KLHL23: variants seen among roughly 807,000 people sequenced by gnomAD.
The protein encoded by KLHL23 is kelch like family member 23, also known as kelch-like protein 23.
A neutral mutation model predicts 48.9 loss-of-function variants in KLHL23; 33 were observed. The observed-to-expected ratio is 0.67, with a 90% CI of 0.51 to 0.90. The LOEUF is 0.90. Among genes scored for constraint, KLHL23 ranks in the 40% least tolerant of loss-of-function variants. KLHL23 has a pLI of 0.00. For missense variants in KLHL23, 608 were observed against 669.6 expected (o/e 0.91, Z 1.02); for synonymous variants, 234 against 231.6 (o/e 1.01, Z -0.09).
intron 2 of KLHL23, 134 bp from the exon 3 acceptor site, chr2:169,741,251 C>A: frequency 8.5e-7 from 1 of 1,169,712 alleles, no homozygotes; most frequent in Non-Finnish European, 1.2e-6. Flanking sequence ...ATTCTTTTGT[C>A]CCTTATAGCA....
At chr2:169,738,974 TTCCCCTCCCCCTCCCCCTCCTCCCCTTCC>T (rs1688602976) in intron 2 of KLHL23, among the ~76,000 whole-genome samples, 1 of 1,708 alleles carries the variant, frequency 5.9e-4, no homozygotes, top group African/African-American at 4.8e-3. Flanking sequence ...CTCCTCCCCC[TTCCCCTCCCCCTCCCCCTCCTCCCCTTCC>T]CCTCCCCCAT....
At chr2:169,740,766 TTATATATATATATA>T (rs55779546) in intron 2 of KLHL23, among the ~76,000 whole-genome samples, 29,819 of 125,572 alleles carry the variant, frequency 0.24, 4,128 homozygotes, top group African/African-American at 0.37. Flanking sequence ...CTTTTTTATA[TTATATATATATATA>T]TATATATATA....
chr2:169,735,977 C>A lies in KLHL23; in HGVS notation c.963C>A (p.Asn321Lys). ...ESYGVTCLGP[N>K]IYVTGGYRTD... ...ATGGTGTTACATGTTTAGGACCCAA[C>A]ATTTATGTAACTGGGGGCTACAGGA... is the stretch of plus-strand genomic sequence containing the variant. The change falls in exon 2 of 4, where the codon AAC (asparagine) becomes AAA (lysine). Residue 321 changes from asparagine to lysine, a missense_variant. Asn to Lys is a moderately conservative substitution (Grantham distance 94). Transcript: ENST00000392647. This position sits in a 1 kb window ranked among gnomAD's most constrained non-coding sequence, Gnocchi z 4.5. 6.2e-7 allele frequency: 1 copy of A among 1,614,158 alleles called. No individual in the cohort carries two copies. The highest frequency in any genetic ancestry group is 1.1e-5 in the South Asian group (1 of 91,080).
At chr2:169,749,038 ACAC>A (rs1574530785) in intron 3 of KLHL23, among the ~76,000 whole-genome samples, 1 of 152,196 alleles carries the variant, frequency 6.6e-6, no homozygotes, top group African/African-American at 2.4e-5. Context: ...ACCTGAAGGG[ACAC>A]CACTGCTTAT....
rs1056123129 is a variant in KLHL23, at chr2:169,735,934, A to T, written c.920A>T (p.Asp307Val). 1 of 1,614,172 alleles carries T rather than the reference A, an allele frequency of 6.2e-7. No individual in the cohort carries two copies. The highest frequency in any genetic ancestry group is 8.5e-7 in the Non-Finnish European group (1 of 1,180,048). Residue 307 changes from aspartate (D) to valine (V), a missense_variant, in exon 2 of 4, where the codon GAT becomes GTT. By Grantham distance (152) the Asp-to-Val change is radical (BLOSUM62 -3). Transcript: ENST00000392647. This position sits in a 1 kb window ranked among gnomAD's most constrained non-coding sequence, Gnocchi z 4.5. ...TGGATTCAGGGAGCAGAAATACCAG[A>T]TTATACCAGGGAGAGCTATGGTGTT... ...NVWIQGAEIP[D>V]YTRESYGVTC... is the part of the protein sequence containing the mutation.
At chr2:169,737,275 G>A (rs906069743) in intron 2 of KLHL23, among the ~76,000 whole-genome samples, 1 of 152,198 alleles carries the variant, frequency 6.6e-6, no homozygotes. Flanking sequence ...TAAATGTTAC[G>A]CATGATTGTC....
chr2:169,739,616 G>A (rs1181172920), intron 2 of KLHL23, among the ~76,000 whole-genome samples: 1 of 152,012 alleles, frequency 6.6e-6, no homozygotes, highest in Admixed American at 6.5e-5. Context: ...GATTTCCCTC[G>A]TCAAATGCAG....
rs1688919561 is a variant in KLHL23, at chr2:169,750,023, G to GTATGCATATATGTGTATA, written c.*294_*295insGCATATATGTGTATATAT. The stretch of plus-strand genomic sequence containing the variant: ...TATATGTGTATATATACGTATGTAT[G>GTATGCATATATGTGTATA]TATACATATGTGTATATATAGTATG... On this transcript the variant is annotated 3_prime_UTR_variant, in exon 4 of 4. Coordinates refer to ENST00000392647, the MANE Select transcript of KLHL23 (RefSeq NM_144711.6). The GTATGCATATATGTGTATA allele has an allele frequency of 4.8e-5, 2 of 41,460 alleles. No homozygotes were observed. Among genetic ancestry groups the GTATGCATATATGTGTATA allele is most frequent in the African/African-American group, 1.6e-4 (2 of 12,576 alleles). 2.6% of individuals were successfully genotyped at this position (41,460 alleles called of 1,614,324 possible).
At chr2:169,746,573 C>G (rs1411939087) in intron 3 of KLHL23, among the ~76,000 whole-genome samples, 4 of 152,140 alleles carry the variant, frequency 2.6e-5, no homozygotes, top group African/African-American at 9.7e-5. Flanking sequence ...AGGCACAGTC[C>G]CAGAGCCTCA....
rs1324711781 is a variant in KLHL23, at chr2:169,740,770, A to ATATT, written c.1214-612_1214-611insTTAT. The stretch of plus-strand genomic sequence containing the variant: ...GCCTCTATAAGCTTTTTTATATTAT[A>ATATT]TATATATATATATATATATATAACT... On this transcript the variant is annotated intron_variant, in intron 2 of 3. Transcript: ENST00000392647. Among the ~76,000 whole-genome samples the ATATT allele has an allele frequency of 1.5e-4, 13 of 87,896 alleles. 1 individual carries two copies. Among genetic ancestry groups the ATATT allele is most frequent in the African/African-American group, 7.7e-4 (12 of 15,490 alleles). 57.7% of individuals were successfully genotyped at this position (87,896 alleles called of 152,430 possible).
At chr2:169,741,786 A>G (rs1688681255) in intron 3 of KLHL23, among the ~76,000 whole-genome samples, 2 of 152,202 alleles carry the variant, frequency 1.3e-5, no homozygotes, top group Admixed American at 1.3e-4. Flanking sequence ...TGTGTGGTCA[A>G]AAATATTAGC....
chr2:169,745,627 A>G (rs1248054691), intron 3 of KLHL23, among the ~76,000 whole-genome samples: 3 of 151,980 alleles, frequency 2.0e-5, no homozygotes, highest in African/African-American at 7.2e-5. Flanking sequence ...AGAAATGCTG[A>G]AAGCCTGAAG....
intron 2 of KLHL23, among the ~76,000 whole-genome samples, chr2:169,738,607 C>T (rs1001334061): frequency 3.3e-5 from 5 of 151,970 alleles, no homozygotes; most frequent in Admixed American, 1.3e-4. Flanking sequence ...TAAATAAATA[C>T]TTGGCTGTTT....
intron 3 of KLHL23, among the ~76,000 whole-genome samples, 184 bp from the exon 4 acceptor site, chr2:169,749,238 A>C (rs1228614324): frequency 2.0e-5 from 3 of 152,148 alleles, no homozygotes; most frequent in African/African-American, 7.2e-5. Context: ...AGGCGATCTG[A>C]ATTAGGTGAC....
chr2:169,737,671 G>A (rs1688551553), intron 2 of KLHL23, among the ~76,000 whole-genome samples: 1 of 150,554 alleles, frequency 6.6e-6, no homozygotes, highest in Admixed American at 6.6e-5. Context: ...CTGGAATGCA[G>A]TGGCGTGATC....
At chr2:169,742,218 G>A (rs1433547682) in intron 3 of KLHL23, among the ~76,000 whole-genome samples, 1 of 152,180 alleles carries the variant, frequency 6.6e-6, no homozygotes, top group Non-Finnish European at 1.5e-5. Flanking sequence ...GTACCACCAT[G>A]TTACCTTGAA....
rs775191350 is a variant in KLHL23, at chr2:169,735,704, A to G, written c.690A>G (p.Ile230Met). The G allele has an allele frequency of 2.5e-6, 4 of 1,613,928 alleles. No individual in the cohort carries two copies. The highest frequency in any genetic ancestry group is 3.3e-5 in the Admixed American group (2 of 60,004). Residue 230 changes from isoleucine (I) to methionine (M), a missense_variant, in exon 2 of 4, where the codon ATA becomes ATG. By Grantham distance (10) the Ile-to-Met change is conservative. Transcript: ENST00000392647. This position sits in a 1 kb window ranked among gnomAD's most constrained non-coding sequence, Gnocchi z 4.5. The part of the protein sequence containing the change: ...YNLLSYINID[I>M]DPVYLKTALG... ...TACTGAGCTATATCAACATTGATAT[A>G]GATCCAGTGTACTTAAAAACAGCCT...
intron 3 of KLHL23, among the ~76,000 whole-genome samples, chr2:169,744,114 G>A (rs973702189): frequency 2.0e-5 from 3 of 152,168 alleles, no homozygotes; most frequent in Non-Finnish European, 4.4e-5. Flanking sequence ...ATTGGAAAAG[G>A]TAGGATTCTG....
chr2:169,746,539 T>C (rs996971192), intron 3 of KLHL23, among the ~76,000 whole-genome samples: 6 of 152,220 alleles, frequency 3.9e-5, no homozygotes, highest in African/African-American at 7.2e-5. Context: ...TGCTATATAC[T>C]CAGTGCTAGG....
Sources: gnomAD v4.1 joint callset for allele counts (sites outside exome capture counted in the v4.1 genomes callset) on GRCh38, gnomAD v4.1.1 for gene constraint, Gnocchi (gnomAD v3.1) non-coding constraint, MANE v1.5 for transcripts, NCBI Gene and HGNC (gene_info 2026-07-23, HGNC 2026-07-21) for gene names.